The following DAB1 variants were observed in gnomAD, a reference collection of about 807,000 sequenced individuals.
DAB1 encodes the protein DAB adaptor protein 1, also known as disabled homolog 1.
DAB1 carries 15 observed loss-of-function variants against 64.6 expected under a neutral mutation model. The observed-to-expected ratio is 0.23, with a 90% CI of 0.16 to 0.36. The LOEUF (loss-of-function observed/expected upper bound fraction) is 0.36, where lower values mean the gene tolerates loss of function less well. Ranked by LOEUF, DAB1 falls within the 10% of genes least tolerant of loss-of-function variation. DAB1 has a pLI of 1.00. For missense variants in DAB1, 596 were observed against 706.7 expected (o/e 0.84, Z 1.78); for synonymous variants, 235 against 251.9 (o/e 0.93, Z 0.64).
chr1:58,370,374 C>CGT (rs67230027), intron 3 of DAB1, among the ~76,000 whole-genome samples: 2,595 of 144,498 alleles, frequency 0.018, 25 homozygotes, highest in South Asian at 0.037. Context: ...TGAGTGTGTG[C>CGT]GTGTGTGTGT....
intron 1 of DAB1, among the ~76,000 whole-genome samples, chr1:57,308,412 GA>G (rs1389740993): frequency 6.6e-6 from 1 of 152,002 alleles, no homozygotes. Context: ...TCACAAGGCT[GA>G]AAAAAACTGG....
intron 6 of DAB1, among the ~76,000 whole-genome samples, chr1:57,726,376 C>G (rs75149567): frequency 9.7e-4 from 148 of 152,114 alleles, no homozygotes; most frequent in African/African-American, 3.5e-3. Flanking sequence ...ACTAGGAAAG[C>G]CTTTCATTGA....
chr1:57,032,900 C>A lies in DAB1; in HGVS notation c.724-6857G>T, dbSNP rs1230602418. Among the ~76,000 whole-genome samples, 4 of 152,244 alleles carry A rather than the reference C, an allele frequency of 2.6e-5. No homozygotes were observed. The Middle Eastern group carries it at 0.014, about 518-fold the overall frequency. On this transcript the variant is annotated intron_variant, in intron 9 of 14. Coordinates refer to ENST00000371236, the MANE Select transcript of DAB1 (RefSeq NM_001365792.1). ...ATAGCAACCTCGCCTGTTTTTTATT[C>A]CCAGTGGTGTACTTGGCACGTCCTG...
intron 7 of DAB1, among the ~76,000 whole-genome samples, chr1:57,634,695 G>C (rs1646030318): frequency 6.6e-6 from 1 of 152,154 alleles, no homozygotes; most frequent in African/African-American, 2.4e-5. Context: ...GACTGTTTTA[G>C]GTGCCAGCAA....
intron 14 of DAB1, among the ~76,000 whole-genome samples, chr1:57,000,060 T>C (rs1645791482): frequency 6.7e-6 from 1 of 149,398 alleles, no homozygotes; most frequent in East Asian, 1.9e-4. Context: ...TTTTTTTTTT[T>C]TGAGATGGAG....
chr1:58,529,149 T>C (rs1210436841), intron 1 of DAB1, among the ~76,000 whole-genome samples: 1 of 152,186 alleles, frequency 6.6e-6, no homozygotes, highest in Non-Finnish European at 1.5e-5. Context: ...AACCTTTACT[T>C]CAATATAAAT....
At chr1:57,817,604 A>C (rs149231397) in intron 6 of DAB1, among the ~76,000 whole-genome samples, 153 of 152,320 alleles carry the variant, frequency 1.0e-3, no homozygotes, top group African/African-American at 3.6e-3. Context: ...GCAACACTCA[A>C]TGTCAGGCAA....
intron 1 of DAB1, among the ~76,000 whole-genome samples, chr1:57,316,453 G>A (rs765063963): frequency 2.6e-5 from 4 of 151,958 alleles, no homozygotes; most frequent in South Asian, 2.1e-4. Context: ...AGCAATTACC[G>A]GACAAATGCC....
intron 4 of DAB1, among the ~76,000 whole-genome samples, chr1:58,284,702 CT>C (rs1369404520): frequency 1.3e-5 from 2 of 152,220 alleles, no homozygotes; most frequent in Non-Finnish European, 2.9e-5. Context: ...GATTCTTTGC[CT>C]CTTTATTATC....
intron 1 of DAB1, among the ~76,000 whole-genome samples, chr1:58,545,402 T>C (rs1000731523): frequency 6.6e-6 from 1 of 152,166 alleles, no homozygotes; most frequent in African/African-American, 2.4e-5. Context: ...AAACAGTGCC[T>C]GATATTTTGT....
chr1:58,064,753 G>A (rs1305340638), intron 5 of DAB1, among the ~76,000 whole-genome samples: 1 of 151,876 alleles, frequency 6.6e-6, no homozygotes, highest in Admixed American at 6.6e-5. Flanking sequence ...ACGGAATCTC[G>A]CTCTGTCACC....
At chr1:57,391,799 A>G (rs922636463) in intron 1 of DAB1, among the ~76,000 whole-genome samples, 33 of 151,758 alleles carry the variant, frequency 2.2e-4, no homozygotes, top group African/African-American at 7.7e-4. Context: ...ACACACACAC[A>G]CACACACACA....
At chr1:57,174,330 C>T (rs962203645) in intron 2 of DAB1, among the ~76,000 whole-genome samples, 7 of 152,118 alleles carry the variant, frequency 4.6e-5, no homozygotes, top group African/African-American at 1.7e-4. Flanking sequence ...AGAAGTTATG[C>T]CAATCCTTGA....
intron 5 of DAB1, among the ~76,000 whole-genome samples, chr1:58,033,476 T>C (rs1424141387): frequency 6.6e-6 from 1 of 152,228 alleles, no homozygotes; most frequent in Admixed American, 6.5e-5. Context: ...ATGTGCTGTT[T>C]CCTATCGGGA....
chr1:57,038,144 C>T (rs1312739357), intron 9 of DAB1, among the ~76,000 whole-genome samples: 2 of 152,136 alleles, frequency 1.3e-5, no homozygotes, highest in Admixed American at 1.3e-4. Flanking sequence ...TAGACATAGT[C>T]CTTCCTTACA....
intron 6 of DAB1, among the ~76,000 whole-genome samples, chr1:57,669,044 G>A (rs1242112727): frequency 6.6e-6 from 1 of 152,054 alleles, no homozygotes; most frequent in Non-Finnish European, 1.5e-5. Flanking sequence ...TAATTACCTA[G>A]GTGACTGAAT....
chr1:58,481,465 A>T (rs1569859940), intron 3 of DAB1, among the ~76,000 whole-genome samples: 1 of 152,204 alleles, frequency 6.6e-6, no homozygotes, highest in East Asian at 1.9e-4. Flanking sequence ...TTAGAGATAC[A>T]TCTATGGTTT....
chr1:57,569,498 C>G (rs1645166876), intron 7 of DAB1, among the ~76,000 whole-genome samples: 1 of 148,810 alleles, frequency 6.7e-6, no homozygotes, highest in Admixed American at 6.8e-5. Flanking sequence ...ATTGCAAGGA[C>G]AAAAAACCAA....
intron 1 of DAB1, among the ~76,000 whole-genome samples, chr1:57,836,419 C>T (rs149770865): frequency 9.2e-5 from 14 of 152,298 alleles, no homozygotes; most frequent in East Asian, 1.9e-4. Flanking sequence ...GTAAGCCACT[C>T]GTCATCCTAT....
Sources: allele counts gnomAD v4.1 joint callset (sites outside exome capture counted in the v4.1 genomes callset), GRCh38; gene constraint gnomAD v4.1.1; transcripts MANE v1.5; gene names NCBI Gene and HGNC (gene_info 2026-07-23, HGNC 2026-07-21).